Variants in DOCK10 observed in about 807,000 individuals in gnomAD.
The protein encoded by DOCK10 is dedicator of cytokinesis 10.
A neutral mutation model predicts 280.1 loss-of-function variants in DOCK10; 145 were observed. That is an observed-to-expected ratio of 0.52 (90% CI 0.45 to 0.59). DOCK10 has a LOEUF of 0.59. DOCK10 is among the 20% of genes least tolerant of loss of function. The pLI, the probability that DOCK10 is intolerant of heterozygous loss-of-function variation, is 0.00. For synonymous variants in DOCK10, 915 were observed against 942.2 expected, an observed-to-expected ratio of 0.97 and a Z score of 0.53; for missense variants, 2,368 against 2,651.7, an observed-to-expected ratio of 0.89 and a Z score of 2.35.
chr2:224,847,877 C>T (rs1266516023), intron 19 of DOCK10, among the ~76,000 whole-genome samples: 2 of 152,118 alleles, frequency 1.3e-5, no homozygotes, highest in Admixed American at 6.5e-5. Context: ...TCTAATCCTG[C>T]CAATATGCCA....
Position 224,814,311 on chromosome 2 carries a change from A to G in DOCK10, c.3409+9T>C. 3 of 1,510,662 alleles carry G rather than the reference A, an allele frequency of 2.0e-6. No homozygotes were observed. The highest frequency in any genetic ancestry group is 2.7e-6 in the Non-Finnish European group (3 of 1,124,548). The allele number at this position is 1,510,662 out of a possible 1,614,324, so 93.6% of individuals were successfully genotyped here. A position where few individuals can be genotyped will look rare whatever the true frequency, so the allele number is the denominator to read the frequency against. ...GTTACTGATGCTTAGGTAAGGTAAT[A>G]TCACTTACCTGATGCATGTAACTCT... On this transcript the variant is annotated intron_variant, in intron 31 of 55. Coordinates refer to ENST00000258390, the MANE Select transcript of DOCK10 (RefSeq NM_014689.3).
intron 1 of DOCK10, among the ~76,000 whole-genome samples, chr2:224,986,182 C>T (rs1017045058): frequency 1.1e-4 from 17 of 152,208 alleles, no homozygotes; most frequent in Admixed American, 2.6e-4. Flanking sequence ...ATCAAGTACA[C>T]GGAAAACTAC....
intron 1 of DOCK10, among the ~76,000 whole-genome samples, chr2:225,006,898 T>G (rs1689284163): frequency 6.6e-6 from 1 of 152,214 alleles, no homozygotes; most frequent in Admixed American, 6.5e-5. Flanking sequence ...GGACTTGAAC[T>G]TCAAGCCATT....
intron 1 of DOCK10, chr2:224,946,842 C>A (rs1457702101): frequency 1.3e-6 from 2 of 1,516,034 alleles, no homozygotes; most frequent in African/African-American, 2.8e-5. Flanking sequence ...CATTTGGATA[C>A]CTACAGAACT....
intron 1 of DOCK10, among the ~76,000 whole-genome samples, chr2:224,981,006 GACTT>G (rs1372616440): frequency 1.3e-5 from 2 of 152,048 alleles, no homozygotes; most frequent in East Asian, 1.9e-4. Context: ...AGAAAAATAA[GACTT>G]ACTGGTATAG....
intron 1 of DOCK10, among the ~76,000 whole-genome samples, chr2:224,950,282 T>TA (rs1703655681): frequency 6.6e-6 from 1 of 152,152 alleles, no homozygotes; most frequent in Non-Finnish European, 1.5e-5. Context: ...AGCAATTAAA[T>TA]AAAAAATGAG....
chr2:224,822,497 G>A (rs1694565372), intron 28 of DOCK10, among the ~76,000 whole-genome samples: 1 of 152,140 alleles, frequency 6.6e-6, no homozygotes, highest in Non-Finnish European at 1.5e-5. Context: ...CACTTAGGGA[G>A]GCCAATCTCT....
intron 1 of DOCK10, among the ~76,000 whole-genome samples, chr2:224,954,687 A>G (rs1444303239): frequency 6.6e-6 from 1 of 152,230 alleles, no homozygotes; most frequent in Non-Finnish European, 1.5e-5. Flanking sequence ...GCTAGCTCAT[A>G]GCATTTCTAA....
intron 2 of DOCK10, among the ~76,000 whole-genome samples, chr2:224,919,137 G>A (rs947080002): frequency 9.4e-5 from 14 of 148,754 alleles, no homozygotes; most frequent in Non-Finnish European, 2.1e-4. Context: ...GCACGTATAT[G>A]TGTGGTGTGT....
intron 1 of DOCK10, among the ~76,000 whole-genome samples, chr2:225,017,726 A>G (rs1689655531): frequency 6.6e-6 from 1 of 151,258 alleles, no homozygotes; most frequent in African/African-American, 2.4e-5. Flanking sequence ...AAAAAGCAAA[A>G]AGGAAATGCT....
intron 1 of DOCK10, among the ~76,000 whole-genome samples, chr2:225,002,542 C>G (rs10195999): frequency 0.28 from 41,951 of 152,132 alleles, 10,453 homozygotes; most frequent in African/African-American, 0.67. Flanking sequence ...TTAGTCAGCT[C>G]TTCAGCTCTC....
intron 1 of DOCK10, among the ~76,000 whole-genome samples, chr2:224,937,749 A>G (rs1702770595): frequency 6.6e-6 from 1 of 152,176 alleles, no homozygotes; most frequent in Non-Finnish European, 1.5e-5. Flanking sequence ...GGCCTAGAAA[A>G]TATTTTCATG....
At chr2:225,009,909 ATTTCTT>A (rs1362011806) in intron 1 of DOCK10, among the ~76,000 whole-genome samples, 2 of 152,122 alleles carry the variant, frequency 1.3e-5, no homozygotes, top group Non-Finnish European at 2.9e-5. Context: ...GAGGGATTAG[ATTTCTT>A]TAAGAGTTGT....
At chr2:224,835,004 G>A (rs541212660) in intron 25 of DOCK10, among the ~76,000 whole-genome samples, 10 of 152,118 alleles carry the variant, frequency 6.6e-5, no homozygotes, top group Non-Finnish European at 1.5e-4. Flanking sequence ...TTCACAATTC[G>A]GATTTCACCG....
At chr2:225,025,076 T>C (rs987944405) in intron 1 of DOCK10, among the ~76,000 whole-genome samples, 12 of 152,182 alleles carry the variant, frequency 7.9e-5, no homozygotes, top group African/African-American at 2.7e-4. Flanking sequence ...TAGGAACTCA[T>C]TTATAGAAAA....
chr2:224,916,284 T>A (rs1575051612), intron 3 of DOCK10, among the ~76,000 whole-genome samples: 1 of 152,224 alleles, frequency 6.6e-6, no homozygotes, highest in African/African-American at 2.4e-5. Flanking sequence ...CTCATGCCTG[T>A]AATCCCAGCA....
At chr2:225,016,791 C>T (rs1438186131) in intron 1 of DOCK10, among the ~76,000 whole-genome samples, 1 of 151,598 alleles carries the variant, frequency 6.6e-6, no homozygotes, top group Non-Finnish European at 1.5e-5. Context: ...CAACCTCCGC[C>T]TCCCGTGTTC....
intron 1 of DOCK10, among the ~76,000 whole-genome samples, chr2:224,993,026 T>C (rs1432961826): frequency 1.3e-5 from 2 of 151,962 alleles, no homozygotes; most frequent in Non-Finnish European, 1.5e-5. Context: ...ACAAAAGAGG[T>C]AGGAGCACTG....
chr2:224,907,459 G>A (rs528457408), intron 3 of DOCK10, among the ~76,000 whole-genome samples: 17 of 152,092 alleles, frequency 1.1e-4, no homozygotes, highest in South Asian at 2.1e-4. Flanking sequence ...AGGCTGAGGC[G>A]GGCAGATCAC....
Sources: allele counts gnomAD v4.1 joint callset (sites outside exome capture counted in the v4.1 genomes callset), GRCh38; gene constraint gnomAD v4.1.1; transcripts MANE v1.5; gene names NCBI Gene and HGNC (gene_info 2026-07-23, HGNC 2026-07-21).